The following CNRIP1 variants were observed in gnomAD, a reference collection of about 807,000 sequenced individuals.
CNRIP1 encodes the protein cannabinoid receptor interacting protein 1, also known as CB1 cannabinoid receptor-interacting protein 1.
Under a neutral mutation model 15.2 loss-of-function variants are expected in CNRIP1, and 10 were observed. The ratio of observed to expected loss-of-function variants is 0.66; its 90% CI spans 0.41 to 1.12. CNRIP1 has a LOEUF of 1.12. Among genes scored for constraint, CNRIP1 ranks in the 50% most tolerant of loss-of-function variants. The probability of loss-of-function intolerance (pLI) is 0.00; values close to 1 mark genes in which losing one functional copy is unlikely to be tolerated. For synonymous variants in CNRIP1, 91 were observed against 83.2 expected (o/e 1.09, Z -0.51); for missense variants, 211 against 214.7 (o/e 0.98, Z 0.11).
intron 2 of CNRIP1, among the ~76,000 whole-genome samples, chr2:68,305,857 G>A (rs531418863): frequency 1.1e-3 from 167 of 150,162 alleles, no homozygotes; most frequent in Non-Finnish European, 1.9e-3. Context: ...GGCTGGGCAC[G>A]GTAGCTCATG....
intron 2 of CNRIP1, among the ~76,000 whole-genome samples, chr2:68,303,292 G>A (rs1406065373): frequency 6.6e-6 from 1 of 152,210 alleles, no homozygotes; most frequent in Non-Finnish European, 1.5e-5. Flanking sequence ...GAATTTTAAT[G>A]AGGTCTTAGA....
rs982577374 is a variant in CNRIP1 at position 68,285,802 on chromosome 2, T to C, written c.331-1318A>G. On this transcript the variant is annotated intron_variant, in intron 2 of 2. Coordinates refer to the CNRIP1 transcript ENST00000409559. ...ATATGGGTTTTAATACATGTATAGA[T>C]TCATTCAACCACTGCCGCTATCAGG... 5.3e-5 allele frequency among the ~76,000 whole-genome samples: 8 copies of C among 152,162 alleles called. No homozygotes were observed. The South Asian group carries it at 1.7e-3, about 32-fold the overall frequency.
At chr2:68,285,709 C>T (rs1671015394) in intron 2 of CNRIP1, among the ~76,000 whole-genome samples, 1 of 150,156 alleles carries the variant, frequency 6.7e-6, no homozygotes, top group Non-Finnish European at 1.5e-5. Flanking sequence ...AAGGCAGAAC[C>T]TTTAGGCAGC....
chr2:68,312,207 T>C (rs1284510460), intron 2 of CNRIP1, among the ~76,000 whole-genome samples: 1 of 152,070 alleles, frequency 6.6e-6, no homozygotes, highest in African/African-American at 2.4e-5. Flanking sequence ...CCCCGGAACA[T>C]AGATGTCAAA....
At chr2:68,285,668 A>AAAAAGAAAAGAAAAG (rs1553413238) in intron 2 of CNRIP1, among the ~76,000 whole-genome samples, 1 of 124,458 alleles carries the variant, frequency 8.0e-6, no homozygotes, top group Non-Finnish European at 1.6e-5. Flanking sequence ...AAAAAAAAAA[A>AAAAAGAAAAGAAAAG]AAAAGAAAAG....
intron 2 of CNRIP1, among the ~76,000 whole-genome samples, chr2:68,295,738 A>G (rs533035363): frequency 6.6e-6 from 1 of 152,278 alleles, no homozygotes; most frequent in South Asian, 2.1e-4. Context: ...TAGGGTGAGA[A>G]GGGGAACTGA....
At position 68,305,272 on chromosome 2, in the gene CNRIP1, A is replaced by ATGTGTGTGTGTGTGTGTGTG. The variant is rs1225964288; in HGVS notation, c.331-11247_331-11246insCACACACACACACACACACA. Among the ~76,000 whole-genome samples the ATGTGTGTGTGTGTGTGTGTG allele has an allele frequency of 8.7e-5, 6 of 69,002 alleles. No homozygotes were observed. In the East Asian group the frequency reaches 4.8e-3, roughly 56 times the overall value. 45.3% of individuals were successfully genotyped at this position (69,002 alleles called of 152,430 possible). A position where few individuals can be genotyped will look rare whatever the true frequency, so the allele number is the denominator to read the frequency against. On this transcript the variant is annotated intron_variant, in intron 2 of 2. Coordinates refer to ENST00000263655, the MANE Select transcript of CNRIP1 (RefSeq NM_015463.3). ...AAAAAAAAAAAAAATATATATATAT[A>ATGTGTGTGTGTGTGTGTGTG]TATGTGTGTGTGTGTGTGTGTGTGT...
At chr2:68,290,301 T>A (rs2103881933), downstream of CNRIP1, among the ~76,000 whole-genome samples, 1 of 152,328 alleles carries the variant, frequency 6.6e-6, no homozygotes, top group South Asian at 2.1e-4. Flanking sequence ...GTGCTGGGAT[T>A]ACAGGCGTGA....
chr2:68,318,762 C>T (rs1672375060), intron 1 of CNRIP1, among the ~76,000 whole-genome samples: 1 of 152,204 alleles, frequency 6.6e-6, no homozygotes, highest in Admixed American at 6.5e-5. Flanking sequence ...CCTGCCTTTC[C>T]ACCTCATTCC....
intron 2 of CNRIP1, among the ~76,000 whole-genome samples, chr2:68,295,421 C>T (rs1671315623): frequency 6.6e-6 from 1 of 152,152 alleles, no homozygotes; most frequent in African/African-American, 2.4e-5. Context: ...TGGATTACCT[C>T]TTTTTAGAGA....
chr2:68,301,895 A>G (rs78069461), intron 2 of CNRIP1, among the ~76,000 whole-genome samples: 9 of 124,270 alleles, frequency 7.2e-5, no homozygotes, highest in Non-Finnish European at 1.3e-4. Flanking sequence ...CTCCGTCTCA[A>G]AAAAAAAAAA....
At chr2:68,316,146 GT>G (rs1005588716) in intron 2 of CNRIP1, 20 of 151,988 alleles carry the variant, frequency 1.3e-4, no homozygotes, top group Admixed American at 3.3e-4. Flanking sequence ...AACACTTTAA[GT>G]TTCCAAAGGT....
At chr2:68,303,002 C>T (rs1483234696) in intron 2 of CNRIP1, among the ~76,000 whole-genome samples, 1 of 151,984 alleles carries the variant, frequency 6.6e-6, no homozygotes, top group Admixed American at 6.6e-5. Flanking sequence ...CGCCCGCTAC[C>T]TCGCCCGGCT....
chr2:68,302,960 G>T (rs1453987461), intron 2 of CNRIP1, among the ~76,000 whole-genome samples: 2 of 147,720 alleles, frequency 1.4e-5, no homozygotes, highest in Non-Finnish European at 3.0e-5. Context: ...CCATTCTCCT[G>T]CCTCAGCCTC....
At chr2:68,298,563 C>T (rs150380557) in intron 2 of CNRIP1, among the ~76,000 whole-genome samples, 320 of 152,154 alleles carry the variant, frequency 2.1e-3, no homozygotes, top group African/African-American at 7.3e-3. Context: ...CAAAGGAGAC[C>T]AAAGTTAAAA....
Position 68,293,650 on chromosome 2 carries a change from G to A in CNRIP1, c.*212C>T. On this transcript the variant is annotated 3_prime_UTR_variant, in exon 3 of 3. Coordinates refer to ENST00000263655, the MANE Select transcript of CNRIP1 (RefSeq NM_015463.3). ...GGAACATCAGCACAAAATACAGATG[G>A]GAATATTCTCGGGAGTGGTACATCA... The A allele has an allele frequency of 1.6e-6, 2 of 1,272,012 alleles. No homozygotes were observed. Among genetic ancestry groups the A allele is most frequent in the African/African-American group, 1.5e-5 (1 of 67,306 alleles). The allele number at this position is 1,272,012 out of a possible 1,614,324, so 78.8% of individuals were successfully genotyped here.
chr2:68,305,244 CAAAA>C (rs60243249), intron 2 of CNRIP1, among the ~76,000 whole-genome samples: 4,247 of 91,544 alleles, frequency 0.046, 292 homozygotes, highest in African/African-American at 0.14. Flanking sequence ...AACTCCGTCT[CAAAA>C]AAAAAAAAAA....
rs138327672 is a variant in CNRIP1 at position 68,319,611 on chromosome 2, C to A, written c.-211G>T. On this transcript the variant is annotated 5_prime_UTR_variant, in exon 1 of 3. Transcript: ENST00000263655. ...TTAGGCTGTGGCCCCCCTCCCCACT[C>A]GGCGAGGAAGCGGGCCCAAGAGACG... 1,625 of 514,392 alleles carry A rather than the reference C, an allele frequency of 3.2e-3. 5 individuals are homozygous for A. The highest frequency in any genetic ancestry group is 3.5e-3 in the Non-Finnish European group (1,042 of 296,810). 31.9% of individuals were successfully genotyped at this position (514,392 alleles called of 1,614,324 possible). A position where few individuals can be genotyped will look rare whatever the true frequency, so the allele number is the denominator to read the frequency against.
intron 2 of CNRIP1, among the ~76,000 whole-genome samples, chr2:68,311,698 C>T (rs57733997): frequency 6.9e-6 from 1 of 144,418 alleles, no homozygotes; most frequent in Non-Finnish European, 1.5e-5. Context: ...TTGCCTGAAT[C>T]TGGGAGGCAG....
Sources: allele counts gnomAD v4.1 joint callset (sites outside exome capture counted in the v4.1 genomes callset), GRCh38; gene constraint gnomAD v4.1.1; transcripts MANE v1.5; gene names NCBI Gene and HGNC (gene_info 2026-07-23, HGNC 2026-07-21).